Variants in DGKB observed in about 807,000 individuals in gnomAD.
DGKB encodes 90 kDa diacylglycerol kinase.
In DGKB, 67 loss-of-function variants were observed where a neutral mutation model predicts 114.3. That is an observed-to-expected ratio of 0.59 (90% CI 0.48 to 0.72). The LOEUF is 0.72. Among genes scored for constraint, DGKB ranks in the 30% least tolerant of loss-of-function variants. The pLI is 0.00. For missense variants in DGKB, 907 were observed against 975.2 expected, an observed-to-expected ratio of 0.93 and a Z score of 0.93; for synonymous variants, 398 against 323.1, an observed-to-expected ratio of 1.23 and a Z score of -2.49.
rs1180358584 is a variant in DGKB, at chr7:14,812,730, C to A, written c.70+28464G>T. ...TTCAACCCTCTTCACTCTATTAATT[C>A]TTCTCTTAGCTCCCACACGTGAACT... On this transcript the variant is annotated intron_variant, in intron 2 of 25. Coordinates refer to ENST00000402815, the MANE Select transcript of DGKB (RefSeq NM_001350709.2). Among the ~76,000 whole-genome samples the A allele has an allele frequency of 2.0e-5, 3 of 152,130 alleles. No individual in the cohort carries two copies. In the East Asian group the frequency reaches 5.8e-4, roughly 29 times the overall value.
chr7:14,476,067 A>G (rs1325983348), intron 21 of DGKB, among the ~76,000 whole-genome samples: 1 of 151,992 alleles, frequency 6.6e-6, no homozygotes, highest in Non-Finnish European at 1.5e-5. Context: ...GTACACTCCA[A>G]AAGGTATTAT....
At chr7:14,478,537 T>G (rs1347559442) in intron 20 of DGKB, among the ~76,000 whole-genome samples, 1 of 152,178 alleles carries the variant, frequency 6.6e-6, no homozygotes, top group Non-Finnish European at 1.5e-5. Flanking sequence ...TCAACGTATG[T>G]TGAAGATAGC....
rs549553362 is a variant in DGKB at position 14,729,735 on chromosome 7, TAGTC to T, written c.322+6302_322+6305del. On this transcript the variant is annotated intron_variant, in intron 5 of 25. Transcript: ENST00000402815. ...TAGGCACCTCACTCTTTTCTCCACA[TAGTC>T]AGTTCAAAAGTGGTTTACAATATTT... 2.9e-3 allele frequency among the ~76,000 whole-genome samples: 443 copies of T among 152,314 alleles called. 2 individuals are homozygous for T. Among genetic ancestry groups the T allele is most frequent in the African/African-American group, 7.5e-3 (311 of 41,564 alleles).
chr7:14,169,352 G>A (rs1407038454), intron 25 of DGKB, among the ~76,000 whole-genome samples: 32 of 132,808 alleles, frequency 2.4e-4, no homozygotes, highest in Admixed American at 1.2e-3. Context: ...GCAACAGAGC[G>A]AGACTCCGTC....
chr7:14,276,132 G>T (rs1798950571), intron 23 of DGKB, among the ~76,000 whole-genome samples: 1 of 152,014 alleles, frequency 6.6e-6, no homozygotes, highest in Non-Finnish European at 1.5e-5. Flanking sequence ...TCTCAACTTA[G>T]CACAGTTCCA....
In DGKB at chr7:14,298,623, T is replaced by C. The variant is rs569435498; in HGVS notation, c.2122+39892A>G. ...AACCCAGGCAATACCACTCAGGGCA[T>C]AGGCATGGGCAAAGACTGCATGACT... On this transcript the variant is annotated intron_variant, in intron 23 of 25. Coordinates refer to ENST00000402815, the MANE Select transcript of DGKB (RefSeq NM_001350709.2). Among the ~76,000 whole-genome samples, 103 of 152,260 alleles carry C rather than the reference T, an allele frequency of 6.8e-4. 1 individual carries two copies. The South Asian group carries it at 0.018, about 27-fold the overall frequency.
intron 23 of DGKB, among the ~76,000 whole-genome samples, chr7:14,193,806 AATATATAGAAT>A (rs1433106315): frequency 6.6e-6 from 1 of 152,162 alleles, no homozygotes; most frequent in African/African-American, 2.4e-5. Context: ...ACAAGGAGTT[AATATATAGAAT>A]ATATAAAGGA....
chr7:14,921,513 T>G (rs981078084), intron 1 of DGKB, among the ~76,000 whole-genome samples: 8 of 152,186 alleles, frequency 5.3e-5, no homozygotes, highest in Non-Finnish European at 8.8e-5. Flanking sequence ...ACAGTGGTTC[T>G]CCACCAAGGG....
chr7:14,733,368 T>A (rs112381483), intron 5 of DGKB, among the ~76,000 whole-genome samples: 23 of 152,214 alleles, frequency 1.5e-4, no homozygotes, highest in Non-Finnish European at 2.8e-4. Context: ...ATGTGATTAC[T>A]TTATGAAAAA....
At chr7:14,590,759 C>T (rs1286927137) in intron 17 of DGKB, among the ~76,000 whole-genome samples, 1 of 152,092 alleles carries the variant, frequency 6.6e-6, no homozygotes, top group East Asian at 1.9e-4. Context: ...GTTTGTTGGG[C>T]TCTTTATATA....
intron 20 of DGKB, among the ~76,000 whole-genome samples, chr7:14,496,885 A>T (rs1469881348): frequency 2.0e-5 from 3 of 151,836 alleles, no homozygotes; most frequent in African/African-American, 7.2e-5. Flanking sequence ...GCTAATAAGG[A>T]TATATTTCTA....
intron 2 of DGKB, among the ~76,000 whole-genome samples, chr7:14,814,672 A>G (rs1346681016): frequency 6.6e-6 from 1 of 152,154 alleles, no homozygotes; most frequent in Non-Finnish European, 1.5e-5. Context: ...TCAACTGACA[A>G]ACGTTATTTT....
intron 23 of DGKB, among the ~76,000 whole-genome samples, chr7:14,305,685 C>T (rs1228962894): frequency 6.6e-6 from 1 of 152,058 alleles, no homozygotes; most frequent in Non-Finnish European, 1.5e-5. Flanking sequence ...TGGCAGTGGT[C>T]CCACAGATTG....
intron 5 of DGKB, among the ~76,000 whole-genome samples, chr7:14,720,983 C>T (rs755904078): frequency 6.6e-6 from 1 of 152,062 alleles, no homozygotes; most frequent in Admixed American, 6.6e-5. Context: ...AACTTTCAGA[C>T]TTGGAGAACA....
chr7:14,837,316 T>G (rs138687482), intron 2 of DGKB, among the ~76,000 whole-genome samples: 10 of 152,140 alleles, frequency 6.6e-5, no homozygotes, highest in African/African-American at 2.4e-4. Context: ...GGGTGCATTC[T>G]GGCAATTGTG....
intron 20 of DGKB, among the ~76,000 whole-genome samples, chr7:14,541,407 C>G (rs1370044386): frequency 1.3e-5 from 2 of 152,130 alleles, no homozygotes; most frequent in South Asian, 2.1e-4. Flanking sequence ...ACAGCCTGCT[C>G]TCACGTAGCA....
chr7:14,244,669 C>CAAA (rs34364672), intron 23 of DGKB, among the ~76,000 whole-genome samples: 98 of 46,378 alleles, frequency 2.1e-3, no homozygotes, highest in African/African-American at 7.5e-3. Flanking sequence ...GACTCTGTCT[C>CAAA]AAAAAAAAAA....
intron 23 of DGKB, among the ~76,000 whole-genome samples, chr7:14,203,866 G>A (rs1164361645): frequency 6.6e-6 from 1 of 151,940 alleles, no homozygotes; most frequent in African/African-American, 2.4e-5. Context: ...CAGATGTGGG[G>A]CAAAGAAAAC....
intron 21 of DGKB, among the ~76,000 whole-genome samples, chr7:14,378,246 G>A (rs1427417648): frequency 1.3e-5 from 2 of 152,070 alleles, no homozygotes; most frequent in African/African-American, 4.8e-5. Flanking sequence ...ACCTCTTTAC[G>A]AACATTGATT....
Sources: allele counts gnomAD v4.1 joint callset (sites outside exome capture counted in the v4.1 genomes callset), GRCh38; gene constraint gnomAD v4.1.1; transcripts MANE v1.5; gene names NCBI Gene and HGNC (gene_info 2026-07-23, HGNC 2026-07-21).